Variants in HTR1F observed in about 807,000 individuals in gnomAD.
HTR1F encodes the protein 5-hydroxytryptamine receptor 1F.
HTR1F carries 17 observed loss-of-function variants against 24.0 expected under a neutral mutation model. The ratio of observed to expected loss-of-function variants is 0.71; its 90% confidence interval spans 0.48 to 1.06. The LOEUF (loss-of-function observed/expected upper bound fraction) is 1.06, where lower values mean the gene tolerates loss of function less well. Ranked by LOEUF, HTR1F falls within the 50% of genes least tolerant of loss-of-function variation. HTR1F has a pLI of 0.00. For missense variants in HTR1F, 391 were observed against 427.8 expected, an observed-to-expected ratio of 0.91 and a Z score of 0.76; for synonymous variants, 186 against 156.8, an observed-to-expected ratio of 1.19 and a Z score of -1.39.
Position 87,931,618 on chromosome 3 carries a change from C to T in HTR1F, c.-42-59090C>T, listed in dbSNP as rs553491156. Among the ~76,000 whole-genome samples the T allele has an allele frequency of 1.6e-4, 25 of 152,176 alleles. No individual in the cohort carries two copies. The South Asian group carries it at 4.1e-3, about 25-fold the overall frequency. ...ATCTAGTTCTAGATCCCTGAGGAATCGCCACACTGACTTCCACAATGGTTG... is the reference window on the plus strand; with the variant it reads ...ATCTAGTTCTAGATCCCTGAGGAATTGCCACACTGACTTCCACAATGGTTG... On this transcript the variant is annotated intron_variant, in intron 2 of 2. Coordinates refer to ENST00000319595, the MANE Select transcript of HTR1F (RefSeq NM_001322209.2).
chr3:87,881,965 C>T (rs1298484277), intron 2 of HTR1F, among the ~76,000 whole-genome samples: 1 of 152,100 alleles, frequency 6.6e-6, no homozygotes, highest in African/African-American at 2.4e-5. Flanking sequence ...ACTCATCTGA[C>T]AAAGGGCTAA....
At chr3:87,928,207 G>A (rs1704174714) in intron 2 of HTR1F, among the ~76,000 whole-genome samples, 1 of 151,812 alleles carries the variant, frequency 6.6e-6, no homozygotes. Context: ...CACCACACCT[G>A]GCTAATTTTT....
At chr3:87,925,256 A>C (rs963180194) in intron 2 of HTR1F, among the ~76,000 whole-genome samples, 1 of 152,104 alleles carries the variant, frequency 6.6e-6, no homozygotes, top group African/African-American at 2.4e-5. Flanking sequence ...CAATGGTGGC[A>C]GATGCTGGGC....
intron 2 of HTR1F, among the ~76,000 whole-genome samples, chr3:87,985,683 G>A (rs116458951): frequency 2.0e-5 from 3 of 152,328 alleles, no homozygotes; most frequent in South Asian, 4.1e-4. Flanking sequence ...GTAGGTATTC[G>A]TGAGGTCTCA....
intron 2 of HTR1F, among the ~76,000 whole-genome samples, chr3:87,959,038 C>G (rs758804838): frequency 2.6e-5 from 4 of 151,618 alleles, no homozygotes; most frequent in African/African-American, 7.3e-5. Flanking sequence ...TAAGTATAAA[C>G]TTATTACCTT....
In HTR1F at chr3:87,980,993, AC is replaced by A. The variant is rs374815475; in HGVS notation, c.-42-9713del. Among the ~76,000 whole-genome samples the A allele has an allele frequency of 1.7e-4, 26 of 152,088 alleles. No individual in the cohort carries two copies. The East Asian group carries it at 5.1e-3, about 30-fold the overall frequency. On this transcript the variant is annotated intron_variant, in intron 2 of 2. Transcript: ENST00000319595. The stretch of plus-strand genomic sequence containing the variant: ...GCTGTAGCTGGGGGGCTGCTGCTGC[AC>A]CTGGGGGGGTGGGGCTCCCACCCCA...
At chr3:87,977,585 TC>T (rs367846353) in intron 2 of HTR1F, among the ~76,000 whole-genome samples, 1 of 149,726 alleles carries the variant, frequency 6.7e-6, no homozygotes. Context: ...TTTTTTTTTT[TC>T]TTTTTTTTTG....
chr3:87,831,986 A>G (rs1360301436), intron 2 of HTR1F, among the ~76,000 whole-genome samples: 1 of 152,196 alleles, frequency 6.6e-6, no homozygotes, highest in Non-Finnish European at 1.5e-5. Context: ...ACAGTACGAT[A>G]GGTACTAGTG....
chr3:87,847,443 G>A (rs1387920005), intron 2 of HTR1F, among the ~76,000 whole-genome samples: 1 of 151,770 alleles, frequency 6.6e-6, no homozygotes, highest in Non-Finnish European at 1.5e-5. Flanking sequence ...GGGAGTACAT[G>A]TGAGTGTTTG....
chr3:87,855,797 A>C (rs1249231723), intron 2 of HTR1F, among the ~76,000 whole-genome samples: 7 of 152,216 alleles, frequency 4.6e-5, no homozygotes, highest in Middle Eastern at 3.4e-3. Context: ...CCTCTCAGGA[A>C]TGTGAATCAT....
Position 87,990,755 on chromosome 3 carries a change from T to C in HTR1F, c.6T>C (p.Asp2=). 6.2e-7 allele frequency: 1 copy of C among 1,606,526 alleles called. No homozygotes were observed. Among genetic ancestry groups the C allele is most frequent in the Non-Finnish European group, 8.5e-7 (1 of 1,174,446 alleles). Residue 2 remains aspartate, a synonymous_variant, in exon 3 of 3, where the codon GAT becomes GAC. Coordinates refer to ENST00000319595, the MANE Select transcript of HTR1F (RefSeq NM_001322209.2). ...AATCTTTTAAAACAAAGAAAATGGATTTCTTAAATTCATCTGATCAAAACT... is the reference window on the plus strand; with the variant it reads ...AATCTTTTAAAACAAAGAAAATGGACTTCTTAAATTCATCTGATCAAAACT... The part of the protein sequence containing the change: M[D]FLNSSDQNLT...
chr3:87,860,921 A>G (rs1705304913), intron 2 of HTR1F, among the ~76,000 whole-genome samples: 1 of 152,162 alleles, frequency 6.6e-6, no homozygotes, highest in Non-Finnish European at 1.5e-5. Flanking sequence ...ACCTTGGGAA[A>G]TGAGGCGGGC....
intron 2 of HTR1F, among the ~76,000 whole-genome samples, chr3:87,963,923 G>A (rs2107483652): frequency 6.6e-6 from 1 of 152,156 alleles, no homozygotes; most frequent in South Asian, 2.1e-4. Context: ...TACTTGGTGG[G>A]AGTTCATTAA....
chr3:87,932,698 G>T (rs985242999), intron 2 of HTR1F, among the ~76,000 whole-genome samples: 4 of 151,930 alleles, frequency 2.6e-5, no homozygotes, highest in Admixed American at 2.6e-4. Context: ...ATCTGAAATT[G>T]TGGCAATAAT....
chr3:87,945,176 G>T (rs906277088), intron 2 of HTR1F, among the ~76,000 whole-genome samples: 3 of 151,228 alleles, frequency 2.0e-5, no homozygotes, highest in African/African-American at 7.3e-5. Flanking sequence ...TACAGACTTG[G>T]GGCCCTGGCA....
At chr3:87,851,614 T>C (rs536395813) in intron 2 of HTR1F, among the ~76,000 whole-genome samples, 2 of 151,836 alleles carry the variant, frequency 1.3e-5, no homozygotes, top group South Asian at 4.1e-4. Flanking sequence ...CAGTCTAATA[T>C]TCCATGCTGT....
chr3:87,914,846 A>G (rs370349643), intron 2 of HTR1F, among the ~76,000 whole-genome samples: 2 of 151,992 alleles, frequency 1.3e-5, no homozygotes, highest in Non-Finnish European at 2.9e-5. Flanking sequence ...ACCACAGCTG[A>G]TGCTCTCTGG....
intron 2 of HTR1F, among the ~76,000 whole-genome samples, chr3:87,825,538 TG>T (rs1704445359): frequency 6.6e-6 from 1 of 152,192 alleles, no homozygotes; most frequent in Non-Finnish European, 1.5e-5. Flanking sequence ...CCTTAATGCC[TG>T]GCTCTCCTTC....
chr3:87,886,021 G>A (rs890724585), intron 2 of HTR1F, among the ~76,000 whole-genome samples: 3 of 152,100 alleles, frequency 2.0e-5, no homozygotes, highest in Non-Finnish European at 4.4e-5. Context: ...ACCAAGGCCT[G>A]GCAGAGACAC....
Sources: allele counts gnomAD v4.1 joint callset (sites outside exome capture counted in the v4.1 genomes callset), GRCh38; gene constraint gnomAD v4.1.1; transcripts MANE v1.5; gene names NCBI Gene and HGNC (gene_info 2026-07-23, HGNC 2026-07-21).